Variants in MAGI2 observed in about 807,000 individuals in gnomAD.
The protein encoded by MAGI2 is membrane associated guanylate kinase, WW and PDZ domain containing 2.
In MAGI2, 35 loss-of-function variants were observed where a neutral mutation model predicts 133.3. The ratio of observed to expected loss-of-function variants is 0.26; its 90% CI spans 0.20 to 0.35. MAGI2 has a LOEUF of 0.35. MAGI2 is among the 10% of genes least tolerant of loss of function. The probability of loss-of-function intolerance (pLI) is 1.00; values close to 1 mark genes in which losing one functional copy is unlikely to be tolerated. For synonymous variants in MAGI2, 729 were observed against 710.6 expected, an observed-to-expected ratio of 1.03 and a Z score of -0.41; for missense variants, 1,636 against 1,863.4, an observed-to-expected ratio of 0.88 and a Z score of 2.25.
At chr7:78,417,578 G>A (rs1450550690) in intron 6 of MAGI2, among the ~76,000 whole-genome samples, 5 of 152,080 alleles carry the variant, frequency 3.3e-5, no homozygotes, top group Non-Finnish European at 5.9e-5. Flanking sequence ...TTATTTGAGA[G>A]CAAAAACTAA....
chr7:78,212,305 A>G (rs925677905), intron 10 of MAGI2, among the ~76,000 whole-genome samples: 1 of 152,222 alleles, frequency 6.6e-6, no homozygotes, highest in Non-Finnish European at 1.5e-5. Context: ...TGCAGATGTG[A>G]TTAAGGCTAA....
chr7:79,412,784 T>C (rs1483950159), intron 1 of MAGI2: 1 of 152,160 alleles, frequency 6.6e-6, no homozygotes, highest in African/African-American at 2.4e-5. Flanking sequence ...AACAATGGGT[T>C]CAGTGTTTCA....
At chr7:79,096,116 C>T (rs902152659) in intron 1 of MAGI2, among the ~76,000 whole-genome samples, 1 of 152,040 alleles carries the variant, frequency 6.6e-6, no homozygotes, top group African/African-American at 2.4e-5. Context: ...GCTGTAGGAG[C>T]CTGACCTCTG....
In MAGI2 at chr7:78,057,229, T is replaced by C. The variant is rs1812678774; in HGVS notation, c.3706+21718A>G. ...TTCTTCACATCCTTGCCAACACTTG[T>C]TATTTTCTGTGTATTTTTATTTTTA... On this transcript the variant is annotated intron_variant, in intron 21 of 21. Coordinates refer to ENST00000354212, the MANE Select transcript of MAGI2 (RefSeq NM_012301.4). Among the ~76,000 whole-genome samples, 3 of 152,078 alleles carry C rather than the reference T, an allele frequency of 2.0e-5. No individual in the cohort carries two copies. In the South Asian group the frequency reaches 6.2e-4, roughly 32 times the overall value.
intron 15 of MAGI2, among the ~76,000 whole-genome samples, chr7:78,164,747 C>A (rs1404395): frequency 6.6e-6 from 1 of 152,172 alleles, no homozygotes; most frequent in Non-Finnish European, 1.5e-5. Context: ...CTGACTCTAA[C>A]ATGTTTTTAT....
chr7:78,906,731 A>G (rs1798017671), intron 2 of MAGI2, among the ~76,000 whole-genome samples: 1 of 148,806 alleles, frequency 6.7e-6, no homozygotes, highest in African/African-American at 2.6e-5. Flanking sequence ...ATGATATGCT[A>G]TAATAAAGCT....
chr7:79,019,982 C>T (rs568045456), intron 1 of MAGI2, among the ~76,000 whole-genome samples: 1 of 152,242 alleles, frequency 6.6e-6, no homozygotes, highest in African/African-American at 2.4e-5. Context: ...AAGGTTAGAA[C>T]AGTTTGGAGA....
At chr7:78,915,754 A>T (rs1156788096) in intron 2 of MAGI2, among the ~76,000 whole-genome samples, 1 of 151,466 alleles carries the variant, frequency 6.6e-6, no homozygotes, top group Non-Finnish European at 1.5e-5. Context: ...ACACTTGTGC[A>T]CCATAGGTAG....
intron 10 of MAGI2, among the ~76,000 whole-genome samples, chr7:78,227,090 A>G (rs773203967): frequency 1.3e-5 from 2 of 152,222 alleles, no homozygotes; most frequent in African/African-American, 2.4e-5. Context: ...CCTCTCCACA[A>G]TTTTGGTGTT....
chr7:78,363,163 C>T (rs1324799578), intron 7 of MAGI2, among the ~76,000 whole-genome samples: 1 of 152,116 alleles, frequency 6.6e-6, no homozygotes, highest in Non-Finnish European at 1.5e-5. Flanking sequence ...GGCTCAACGC[C>T]TTTGGAAGCC....
chr7:78,619,493 G>A (rs1807482711), intron 3 of MAGI2, among the ~76,000 whole-genome samples: 1 of 151,828 alleles, frequency 6.6e-6, no homozygotes, highest in African/African-American at 2.4e-5. Flanking sequence ...TGTGATATTA[G>A]TCTTTAAGTT....
chr7:78,704,777 T>TCTTTTTTTTTTTTC (rs1554535221), intron 2 of MAGI2, among the ~76,000 whole-genome samples: 101 of 117,940 alleles, frequency 8.6e-4, no homozygotes, highest in South Asian at 1.8e-3. Flanking sequence ...AGGCCATTAT[T>TCTTTTTTTTTTTTC]CTTTTTTTTT....
intron 10 of MAGI2, among the ~76,000 whole-genome samples, chr7:78,247,406 C>T (rs1791913731): frequency 6.6e-6 from 1 of 152,014 alleles, no homozygotes; most frequent in African/African-American, 2.4e-5. Context: ...GAAAATATGA[C>T]CCTACCAAAG....
chr7:78,123,520 G>A (rs754470500), intron 20 of MAGI2, among the ~76,000 whole-genome samples: 5 of 152,060 alleles, frequency 3.3e-5, no homozygotes, highest in South Asian at 2.1e-4. Flanking sequence ...GTAAAACAAC[G>A]GTTACTTGAA....
chr7:78,133,284 A>G (rs1821758883), intron 17 of MAGI2, among the ~76,000 whole-genome samples: 1 of 152,230 alleles, frequency 6.6e-6, no homozygotes, highest in African/African-American at 2.4e-5. Flanking sequence ...TATGAACAGT[A>G]TCTTGTCATT....
intron 3 of MAGI2, among the ~76,000 whole-genome samples, chr7:78,574,062 TTGAG>T (rs913968997): frequency 1.3e-5 from 2 of 152,196 alleles, no homozygotes; most frequent in African/African-American, 2.4e-5. Flanking sequence ...TTTGGCTAGA[TTGAG>T]TAAGAAAAAG....
chr7:78,692,544 G>A (rs1017427678), intron 2 of MAGI2, among the ~76,000 whole-genome samples: 2 of 152,210 alleles, frequency 1.3e-5, no homozygotes, highest in African/African-American at 4.8e-5. Context: ...TAAGTGTTAA[G>A]AGCTGCAAAG....
chr7:78,441,305 A>G (rs572509789), intron 6 of MAGI2, among the ~76,000 whole-genome samples: 1 of 152,220 alleles, frequency 6.6e-6, no homozygotes, highest in Non-Finnish European at 1.5e-5. Flanking sequence ...CTGACCTACC[A>G]TGCCACGAAA....
chr7:78,056,655 C>G (rs149583010), intron 21 of MAGI2, among the ~76,000 whole-genome samples: 1 of 151,902 alleles, frequency 6.6e-6, no homozygotes, highest in African/African-American at 2.4e-5. Context: ...ACAACACACA[C>G]TGGGGCCTGT....
Sources: allele counts gnomAD v4.1 joint callset (sites outside exome capture counted in the v4.1 genomes callset), GRCh38; gene constraint gnomAD v4.1.1; transcripts MANE v1.5; gene names NCBI Gene and HGNC (gene_info 2026-07-23, HGNC 2026-07-21).